BACE2: variants seen among roughly 807,000 people sequenced by gnomAD.
The protein encoded by BACE2 is beta-secretase 2, also known as 56 kDa aspartic-like protease.
BACE2 carries 17 observed loss-of-function variants against 46.2 expected under a neutral mutation model. The observed-to-expected ratio is 0.37, with a 90% confidence interval of 0.25 to 0.55. The LOEUF is 0.55. Ranked by LOEUF, BACE2 falls within the 20% of genes least tolerant of loss-of-function variation. The probability of loss-of-function intolerance (pLI) is 0.82; values close to 1 mark genes in which losing one functional copy is unlikely to be tolerated. For missense variants in BACE2, 595 were observed against 698.1 expected, an observed-to-expected ratio of 0.85 and a Z score of 1.66; for synonymous variants, 277 against 295.9, an observed-to-expected ratio of 0.94 and a Z score of 0.66.
chr21:41,201,833 T>C (rs1985976315), intron 1 of BACE2, among the ~76,000 whole-genome samples: 1 of 152,330 alleles, frequency 6.6e-6, no homozygotes, highest in Non-Finnish European at 1.5e-5. Context: ...TTTGAGTTAA[T>C]TGATGAGGGT....
intron 1 of BACE2, chr21:41,179,394 A>G: frequency 7.8e-7 from 1 of 1,288,030 alleles, no homozygotes; most frequent in Non-Finnish European, 1.0e-6. Context: ...ATCCAGGGTG[A>G]GTGAGGGTGT....
At chr21:41,219,051 C>T (rs543710593) in intron 1 of BACE2, among the ~76,000 whole-genome samples, 12 of 152,184 alleles carry the variant, frequency 7.9e-5, no homozygotes, top group East Asian at 7.7e-4. Context: ...TTAGTAGAGA[C>T]GGGGTTTCAC....
chr21:41,169,254 G>T (rs891703695), intron 1 of BACE2, among the ~76,000 whole-genome samples: 1 of 151,830 alleles, frequency 6.6e-6, no homozygotes, highest in African/African-American at 2.4e-5. Flanking sequence ...GCATCTACAC[G>T]CGGGTGTGCA....
rs1987303324 is a variant in BACE2 at position 41,241,907 on chromosome 21, G to A, written c.707G>A (p.Gly236Asp). The A allele has an allele frequency of 6.2e-7, 1 of 1,614,046 alleles. No homozygotes were observed. The highest frequency in any genetic ancestry group is 1.7e-5 in the Admixed American group (1 of 60,002). ...NVFSMQMCGA[G>D]LPVAGSGTNG... ...TTCTCCATGCAGATGTGTGGAGCCG[G>A]CTTGCCCGTTGCTGGATCTGGGACC... is the stretch of plus-strand genomic sequence containing the variant. Residue 236 changes from glycine to aspartate, a missense_variant, in exon 4 of 9, where the codon GGC becomes GAC. By Grantham distance (94) the Gly-to-Asp change is moderately conservative (BLOSUM62 -1). This residue lies in a region of BACE2 where 343 missense variants were observed against 419.4 expected (regional missense o/e 0.82). Transcript: ENST00000330333.
chr21:41,275,432 C>G lies in BACE2; in HGVS notation c.1365C>G (p.Ser455Arg). The change falls in exon 9 of 9, where the codon AGC becomes AGG. Residue 455 changes from serine to arginine, a missense_variant. Transcript: ENST00000330333. ...CTTTCTCAACAGAGGATGTAGCCAG[C>G]AACTGTGTCCCCGCTCAGTCTTTGA... ...SGPFSTEDVA[S>R]NCVPAQSLSE... 6.2e-7 allele frequency: 1 copy of G among 1,614,174 alleles called. No individual in the cohort carries two copies. Among genetic ancestry groups the G allele is most frequent in the Non-Finnish European group, 8.5e-7 (1 of 1,180,028 alleles).
chr21:41,180,760 T>C (rs1985092243), intron 1 of BACE2: 1 of 167,142 alleles, frequency 6.0e-6, no homozygotes, highest in African/African-American at 2.4e-5. Flanking sequence ...AGCTTGCTCA[T>C]AGATCTTTTG....
At chr21:41,233,150 G>C (rs911388748) in intron 2 of BACE2, among the ~76,000 whole-genome samples, 3 of 152,032 alleles carry the variant, frequency 2.0e-5, no homozygotes, top group Non-Finnish European at 4.4e-5. Flanking sequence ...TACCAGACTT[G>C]AATTTTCTAA....
At chr21:41,201,716 C>T (rs979451045) in intron 1 of BACE2, among the ~76,000 whole-genome samples, 5 of 152,168 alleles carry the variant, frequency 3.3e-5, no homozygotes, top group African/African-American at 9.7e-5. Flanking sequence ...GACTGTTGTG[C>T]GTGTAAATCT....
chr21:41,241,861 C>CA lies in BACE2; in HGVS notation c.663dup (p.Ala222SerfsTer27). Reference sequence around the variant, plus strand: ...GACCTTCTTCGACTCCCTGGTGACACAAGCAAACATCCCCAACGTTTTCTC... The same window carrying CA: ...GACCTTCTTCGACTCCCTGGTGACACAAAGCAAACATCCCCAACGTTTTCTC... On this transcript the variant is annotated frameshift_variant, in exon 4 of 9. Coordinates refer to ENST00000330333, the MANE Select transcript of BACE2 (RefSeq NM_012105.5). LOFTEE classifies it high-confidence loss of function. 1 of 1,614,216 alleles carries CA rather than the reference C, an allele frequency of 6.2e-7. No individual in the cohort carries two copies.
chr21:41,273,559 A>C (rs982115244), intron 8 of BACE2, among the ~76,000 whole-genome samples: 1 of 152,314 alleles, frequency 6.6e-6, no homozygotes, highest in African/African-American at 2.4e-5. Context: ...AGCCAGACCT[A>C]ATGGTTATCT....
chr21:41,169,764 A>T (rs1381262145), intron 1 of BACE2, among the ~76,000 whole-genome samples: 9 of 152,156 alleles, frequency 5.9e-5, no homozygotes, highest in Admixed American at 5.9e-4. Context: ...GGAAAAAAAA[A>T]CCTTCAAAAG....
intron 7 of BACE2, among the ~76,000 whole-genome samples, chr21:41,253,855 A>G (rs1176161564): frequency 6.6e-6 from 1 of 152,126 alleles, no homozygotes; most frequent in African/African-American, 2.4e-5. Context: ...TTTTATTTTT[A>G]AAAATCCACT....
In BACE2 at chr21:41,272,186, T is replaced by A. The variant is rs187263877; in HGVS notation, c.1304-3185T>A. On this transcript the variant is annotated intron_variant, in intron 8 of 8. Coordinates refer to ENST00000330333, the MANE Select transcript of BACE2 (RefSeq NM_012105.5). ...GCTTCCAACATGAAATCATCTGTAA[T>A]CCTTATTATTATTCATTTGTACATA... Among the ~76,000 whole-genome samples, 164 of 152,276 alleles carry A rather than the reference T, an allele frequency of 1.1e-3. 1 individual carries two copies. The highest frequency in any genetic ancestry group is 3.8e-3 in the African/African-American group (156 of 41,562).
intron 1 of BACE2, among the ~76,000 whole-genome samples, chr21:41,216,750 T>TA (rs1405976850): frequency 6.6e-6 from 1 of 152,204 alleles, no homozygotes; most frequent in African/African-American, 2.4e-5. Context: ...CCTGTCTAGT[T>TA]ACGCAGTCGC....
chr21:41,275,230 T>G, intron 8 of BACE2, 141 bp from the exon 9 acceptor site: 1 of 1,168,258 alleles, frequency 8.6e-7, no homozygotes, highest in Non-Finnish European at 1.2e-6. Flanking sequence ...CCCCACTCAG[T>G]GCTTCCTGAG....
intron 1 of BACE2, among the ~76,000 whole-genome samples, chr21:41,206,169 A>C (rs192420306): frequency 1.7e-3 from 264 of 152,328 alleles, no homozygotes; most frequent in Middle Eastern, 3.4e-3. Flanking sequence ...GGAGACTGGA[A>C]ACCCAAGGTC....
At chr21:41,200,623 C>G (rs1270057211) in intron 1 of BACE2, among the ~76,000 whole-genome samples, 1 of 152,206 alleles carries the variant, frequency 6.6e-6, no homozygotes, top group Non-Finnish European at 1.5e-5. Context: ...CAAAATATGA[C>G]TATCTTTGGA....
At chr21:41,254,848 G>A (rs1987735124) in intron 7 of BACE2, among the ~76,000 whole-genome samples, 3 of 152,228 alleles carry the variant, frequency 2.0e-5, no homozygotes, top group South Asian at 4.1e-4. Flanking sequence ...TTTTCACTGA[G>A]GAAATTGTCC....
At chr21:41,172,866 C>T (rs1984653881) in intron 1 of BACE2, among the ~76,000 whole-genome samples, 2 of 152,228 alleles carry the variant, frequency 1.3e-5, no homozygotes, top group East Asian at 3.8e-4. Context: ...AGCAAGGCGA[C>T]AGCAGAAACA....
Sources: gnomAD v4.1 joint callset for allele counts (sites outside exome capture counted in the v4.1 genomes callset) on GRCh38, gnomAD v4.1.1 for gene constraint, gnomAD v4.1.1 regional missense constraint, MANE v1.5 for transcripts, NCBI Gene and HGNC (gene_info 2026-07-23, HGNC 2026-07-21) for gene names.